Variants in PHKB observed in about 807,000 individuals in gnomAD.
The protein encoded by PHKB is phosphorylase b kinase regulatory subunit beta.
PHKB carries 122 observed loss-of-function variants against 152.1 expected under a neutral mutation model. The ratio of observed to expected loss-of-function variants is 0.80; its 90% CI spans 0.69 to 0.93. PHKB has a LOEUF of 0.93. Ranked by LOEUF, PHKB falls within the 40% of genes least tolerant of loss-of-function variation. The pLI is 0.00. For missense variants in PHKB, 1,304 were observed against 1,328.4 expected (o/e 0.98, Z 0.29); for synonymous variants, 436 against 464.9 (o/e 0.94, Z 0.80).
intron 10 of PHKB, among the ~76,000 whole-genome samples, chr16:47,591,575 GC>G (rs1426130611): frequency 6.6e-6 from 1 of 151,786 alleles, no homozygotes; most frequent in East Asian, 1.9e-4. Context: ...CTCCTCTTCT[GC>G]CCCCTCTTAA....
chr16:47,675,367 G>C (rs1047251237), intron 26 of PHKB, among the ~76,000 whole-genome samples: 1 of 152,034 alleles, frequency 6.6e-6, no homozygotes, highest in Non-Finnish European at 1.5e-5. Context: ...TATCACTGTG[G>C]TATTTGATAA....
intron 14 of PHKB, among the ~76,000 whole-genome samples, chr16:47,618,448 CCTT>C (rs544860779): frequency 5.9e-5 from 9 of 152,154 alleles, no homozygotes; most frequent in South Asian, 2.1e-4. Context: ...GTCTTTTTCT[CCTT>C]CTATACTCAA....
intron 1 of PHKB, among the ~76,000 whole-genome samples, chr16:47,468,097 T>C (rs1193362145): frequency 6.6e-6 from 1 of 152,232 alleles, no homozygotes; most frequent in African/African-American, 2.4e-5. Flanking sequence ...CTTCAACCTT[T>C]TTATTCAGTT....
intron 1 of PHKB, among the ~76,000 whole-genome samples, chr16:47,479,494 T>A (rs1166215921): frequency 4.0e-5 from 6 of 150,990 alleles, no homozygotes; most frequent in Admixed American, 4.0e-4. Context: ...GTACTATCAC[T>A]GTAGAGCCTT....
chr16:47,473,080 T>C (rs1267715059), intron 1 of PHKB, among the ~76,000 whole-genome samples: 1 of 151,900 alleles, frequency 6.6e-6, no homozygotes, highest in Admixed American at 6.6e-5. Context: ...GTTTTTGTTT[T>C]TGAGACAGGG....
intron 13 of PHKB, chr16:47,598,692 C>T: frequency 6.4e-7 from 1 of 1,564,524 alleles, no homozygotes; most frequent in Non-Finnish European, 8.8e-7. Context: ...GAGGCTCTTC[C>T]ACTAATGGCG....
In PHKB at chr16:47,587,783, T is replaced by C; in HGVS notation, c.870+20T>C. 1.3e-6 allele frequency: 2 copies of C among 1,487,100 alleles called. No individual in the cohort carries two copies. The highest frequency in any genetic ancestry group is 1.9e-6 in the Non-Finnish European group (2 of 1,064,298). The allele number at this position is 1,487,100 out of a possible 1,614,324, so 92.1% of individuals were successfully genotyped here. On this transcript the variant is annotated intron_variant, in intron 9 of 30. Transcript: ENST00000323584. Reference sequence around the variant, plus strand: ...TCACATGTGAGACATTTAATAATGATAAATTTAACATGAACTATTGTTTAT... The same window carrying C: ...TCACATGTGAGACATTTAATAATGACAAATTTAACATGAACTATTGTTTAT...
chr16:47,632,022 A>C (rs1255804101), intron 14 of PHKB, among the ~76,000 whole-genome samples: 1 of 152,128 alleles, frequency 6.6e-6, no homozygotes, highest in African/African-American at 2.4e-5. Flanking sequence ...TCTTATCAAC[A>C]AGCTGTCGTG....
rs1349304331 is a variant in PHKB at position 47,520,554 on chromosome 16, A to G, written c.594+4953A>G. ...AGATCTCTGTTTAACCTGTACAGAT[A>G]TGAGTGACATATATGTCATGTGGCA... On this transcript the variant is annotated intron_variant, in intron 6 of 30. Coordinates refer to ENST00000323584, the MANE Select transcript of PHKB (RefSeq NM_000293.3). Among the ~76,000 whole-genome samples, 13 of 152,222 alleles carry G rather than the reference A, an allele frequency of 8.5e-5. No individual in the cohort carries two copies. In the East Asian group the frequency reaches 2.5e-3, roughly 29 times the overall value.
chr16:47,681,567 G>C (rs1468012492), intron 26 of PHKB, among the ~76,000 whole-genome samples: 6 of 151,896 alleles, frequency 4.0e-5, no homozygotes. Context: ...TTTAAAGTCT[G>C]TTTTATCAGA....
intron 6 of PHKB, among the ~76,000 whole-genome samples, chr16:47,544,170 T>C (rs1567299714): frequency 6.6e-6 from 1 of 152,208 alleles, no homozygotes; most frequent in Non-Finnish European, 1.5e-5. Context: ...GTTCTTTTAA[T>C]TGTGATGTTA....
intron 14 of PHKB, among the ~76,000 whole-genome samples, chr16:47,626,505 A>G (rs773064637): frequency 1.1e-4 from 17 of 152,202 alleles, no homozygotes; most frequent in Admixed American, 1.3e-4. Context: ...AACTGCACAT[A>G]TGGCCTTTGC....
In PHKB at chr16:47,701,044, A is replaced by G. The variant is rs554951747; in HGVS notation, c.*1678A>G. 2 of 152,332 alleles carry G rather than the reference A, an allele frequency of 1.3e-5. No individual in the cohort carries two copies. Among genetic ancestry groups the G allele is most frequent in the East Asian group, 3.9e-4 (2 of 5,182 alleles). 9.4% of individuals were successfully genotyped at this position (152,332 alleles called of 1,614,324 possible). On this transcript the variant is annotated 3_prime_UTR_variant, in exon 31 of 31. Coordinates refer to ENST00000323584, the MANE Select transcript of PHKB (RefSeq NM_000293.3). Reference sequence around the variant, plus strand: ...GAATAGAATTAAACTACTTGACTCAATATGTTAAGAGAGTTTATGAAAAGA... The same window carrying G: ...GAATAGAATTAAACTACTTGACTCAGTATGTTAAGAGAGTTTATGAAAAGA...
rs749441143 is a variant in PHKB at position 47,650,568 on chromosome 16, T to C, written c.1822T>C (p.Tyr608His). 6.2e-7 allele frequency: 1 copy of C among 1,608,352 alleles called. No homozygotes were observed. Among genetic ancestry groups the C allele is most frequent in the Admixed American group, 1.7e-5 (1 of 60,014 alleles). ...GAATGCGCTGCAGTTCATTAAACAATATTGGAAAATGCATGGACGTCCACT... is the reference window on the plus strand; with the variant it reads ...GAATGCGCTGCAGTTCATTAAACAACATTGGAAAATGCATGGACGTCCACT... Reference protein sequence around the residue: ...IKNALQFIKQYWKMHGRPLFL... With the variant: ...IKNALQFIKQHWKMHGRPLFL... Residue 608 changes from tyrosine (Y) to histidine (H), a missense_variant, in exon 19 of 31, where the codon TAT (tyrosine) becomes CAT (histidine). Tyr to His is a moderately conservative substitution (Grantham distance 83, BLOSUM62 2). Coordinates refer to ENST00000323584, the MANE Select transcript of PHKB (RefSeq NM_000293.3).
intron 4 of PHKB, among the ~76,000 whole-genome samples, chr16:47,505,751 G>A (rs1486344954): frequency 6.6e-6 from 1 of 152,038 alleles, no homozygotes; most frequent in Non-Finnish European, 1.5e-5. Context: ...GAAAATAATA[G>A]GCCAGGCATG....
intron 6 of PHKB, among the ~76,000 whole-genome samples, chr16:47,543,035 A>G (rs994179918): frequency 6.6e-6 from 1 of 152,078 alleles, no homozygotes; most frequent in Non-Finnish European, 1.5e-5. Flanking sequence ...TTCCAACATT[A>G]TGTTGAATAG....
chr16:47,629,930 A>C (rs1402492609), intron 14 of PHKB, among the ~76,000 whole-genome samples: 3 of 151,964 alleles, frequency 2.0e-5, no homozygotes, highest in Admixed American at 2.0e-4. Flanking sequence ...AATAACAAAA[A>C]ACCAAACACC....
chr16:47,675,418 T>C (rs563661375), intron 26 of PHKB, among the ~76,000 whole-genome samples: 1 of 152,218 alleles, frequency 6.6e-6, no homozygotes, highest in East Asian at 1.9e-4. Flanking sequence ...AACAGCTCCA[T>C]CTGAGGAGTG....
chr16:47,546,660 T>G (rs947882381), intron 6 of PHKB, among the ~76,000 whole-genome samples: 53 of 152,302 alleles, frequency 3.5e-4, no homozygotes, highest in African/African-American at 1.3e-3. Flanking sequence ...CTGGGACGTT[T>G]AACTCTGCAG....
Sources: gnomAD v4.1 joint callset for allele counts (sites outside exome capture counted in the v4.1 genomes callset) on GRCh38, gnomAD v4.1.1 for gene constraint, MANE v1.5 for transcripts, NCBI Gene and HGNC (gene_info 2026-07-23, HGNC 2026-07-21) for gene names.